UBE2D4: variants seen among roughly 807,000 people sequenced by gnomAD.
The protein encoded by UBE2D4 is ubiquitin conjugating enzyme E2 D4, also known as ubiquitin-conjugating enzyme E2 D4.
In UBE2D4, 17 loss-of-function variants were observed where a neutral mutation model predicts 23.0. The ratio of observed to expected loss-of-function variants is 0.74; its 90% CI spans 0.51 to 1.11. UBE2D4 has a LOEUF of 1.11. UBE2D4 is among the 50% of genes least tolerant of loss of function. The probability of loss-of-function intolerance (pLI) is 0.00; values close to 1 mark genes in which losing one functional copy is unlikely to be tolerated. For missense variants in UBE2D4, 139 were observed against 181.8 expected (o/e 0.76, Z 1.35); for synonymous variants, 61 against 69.4 (o/e 0.88, Z 0.60).
chr7:43,940,650 C>T (rs2095969839), intron 2 of UBE2D4, among the ~76,000 whole-genome samples: 1 of 152,212 alleles, frequency 6.6e-6, no homozygotes, highest in African/African-American at 2.4e-5. Context: ...TCCTGTATAT[C>T]CTTTCTCGTC....
intron 4 of UBE2D4, 185 bp downstream of exon 4, chr7:43,943,216 T>C: frequency 3.1e-6 from 2 of 636,038 alleles, no homozygotes; most frequent in Non-Finnish European, 5.5e-6. Flanking sequence ...GCACCTGTTG[T>C]GATCAAGGGT....
At chr7:43,947,474 T>C (rs528564095) in intron 4 of UBE2D4, among the ~76,000 whole-genome samples, 1 of 152,344 alleles carries the variant, frequency 6.6e-6, no homozygotes, top group East Asian at 1.9e-4. Context: ...CTGAGAATGA[T>C]GGTTTCCAGT....
rs1360392682 is a variant in UBE2D4 at position 43,953,515 on chromosome 7, G to A, written c.*820G>A. 1.7e-5 allele frequency: 4 copies of A among 232,674 alleles called. No individual in the cohort carries two copies. The East Asian group carries it at 4.4e-4, about 25-fold the overall frequency. 14.4% of individuals were successfully genotyped at this position (232,674 alleles called of 1,614,324 possible). Reference sequence around the variant, plus strand: ...CCATTCACAGACTAGAACACAAGGAGGGAGAGAGACTCTTAAACGTAAATA... The same window carrying A: ...CCATTCACAGACTAGAACACAAGGAAGGAGAGAGACTCTTAAACGTAAATA... On this transcript the variant is annotated 3_prime_UTR_variant, in exon 7 of 7. Transcript: ENST00000222402.
chr7:43,937,785 G>T (rs530675281), intron 1 of UBE2D4, among the ~76,000 whole-genome samples: 6 of 151,760 alleles, frequency 4.0e-5, no homozygotes, highest in Non-Finnish European at 7.4e-5. Flanking sequence ...CTTAGTTCAG[G>T]GTTGGTGTCC....
chr7:43,929,845 A>G (rs541608419), intron 1 of UBE2D4, among the ~76,000 whole-genome samples: 40 of 152,290 alleles, frequency 2.6e-4, no homozygotes, highest in Non-Finnish European at 5.6e-4. Flanking sequence ...AGGAAATACA[A>G]CTTTAAAAGT....
chr7:43,928,027 C>T (rs765287043), intron 1 of UBE2D4: 1 of 452,730 alleles, frequency 2.2e-6, no homozygotes, highest in South Asian at 1.6e-5. Context: ...GTACAAGAAG[C>T]ATGGTGCCAG....
chr7:43,929,650 C>T (rs1259213462), intron 1 of UBE2D4, among the ~76,000 whole-genome samples: 1 of 152,032 alleles, frequency 6.6e-6, no homozygotes, highest in Non-Finnish European at 1.5e-5. Flanking sequence ...GGGCTGGCTT[C>T]ATGTGTGTGT....
chr7:43,937,938 G>A lies in UBE2D4; in HGVS notation c.25-493G>A, dbSNP rs147410745. 1.8e-4 allele frequency among the ~76,000 whole-genome samples: 28 copies of A among 152,244 alleles called. No homozygotes were observed. In the East Asian group the frequency reaches 4.2e-3, roughly 23 times the overall value. The stretch of plus-strand genomic sequence containing the variant: ...GACTAGGGTGATTGGGATGGTGGTT[G>A]GGGAGGTAAAGTAGAGAGATTAGCA... On this transcript the variant is annotated intron_variant, in intron 1 of 6. Coordinates refer to ENST00000222402, the MANE Select transcript of UBE2D4 (RefSeq NM_015983.4).
At chr7:43,928,350 C>T (rs1048532484) in intron 1 of UBE2D4, among the ~76,000 whole-genome samples, 4 of 151,956 alleles carry the variant, frequency 2.6e-5, no homozygotes, top group Non-Finnish European at 4.4e-5. Context: ...GTACAATGAG[C>T]CTTTTCCTTA....
chr7:43,936,373 T>C (rs2095958744), intron 1 of UBE2D4, among the ~76,000 whole-genome samples: 1 of 152,202 alleles, frequency 6.6e-6, no homozygotes. Context: ...TCTTCTCTAC[T>C]ACTATTCAAT....
chr7:43,930,058 G>A (rs17724605), intron 1 of UBE2D4, among the ~76,000 whole-genome samples: 59,171 of 152,040 alleles, frequency 0.39, 11,826 homozygotes, highest in South Asian at 0.58. Context: ...CAGCCTGCTG[G>A]ACATCTGGGA....
In UBE2D4 at chr7:43,938,446, C is replaced by T. The variant is rs776896348; in HGVS notation, c.40C>T (p.Gln14Ter). The T allele has an allele frequency of 6.2e-7, 1 of 1,614,102 alleles. No individual in the cohort carries two copies. Among genetic ancestry groups the T allele is most frequent in the Admixed American group, 1.7e-5 (1 of 60,008 alleles). ...CATGTTCTAGGAATTAACCGACTTG[C>T]AGAGGGATCCTCCTGCCCAGTGTTC... The part of the protein sequence containing the change: ...KRIQKELTDL[Q>*]RDPPAQCSAG... Residue 14 changes from glutamine to a stop codon, truncating the protein, a stop_gained, in exon 2 of 7, where the codon CAG (glutamine) becomes TAG (stop). Coordinates refer to ENST00000222402, the MANE Select transcript of UBE2D4 (RefSeq NM_015983.4). LOFTEE classifies it high-confidence loss of function.
intron 1 of UBE2D4, among the ~76,000 whole-genome samples, chr7:43,933,628 C>G (rs2095952026): frequency 6.6e-6 from 1 of 152,068 alleles, no homozygotes; most frequent in South Asian, 2.1e-4. Flanking sequence ...TAATCAGTCC[C>G]AGCTACTCTG....
At chr7:43,941,411 A>T (rs961905754) in intron 2 of UBE2D4, 2 of 152,262 alleles carry the variant, frequency 1.3e-5, no homozygotes, top group Admixed American at 1.3e-4. Flanking sequence ...AGTGAAAGTC[A>T]CCTGAGATGC....
At chr7:43,949,491 C>G (rs1409947650) in intron 5 of UBE2D4, among the ~76,000 whole-genome samples, 7 of 152,160 alleles carry the variant, frequency 4.6e-5, no homozygotes, top group Non-Finnish European at 1.5e-5. Flanking sequence ...CCTCCCAAAG[C>G]ACTGGGATTA....
At chr7:43,948,209 T>C (rs1454447607) in intron 4 of UBE2D4, among the ~76,000 whole-genome samples, 2 of 152,248 alleles carry the variant, frequency 1.3e-5, no homozygotes, top group Non-Finnish European at 2.9e-5. Context: ...AGATCCCATT[T>C]GTCTATTTTG....
At chr7:43,929,841 T>TAA in intron 1 of UBE2D4, among the ~76,000 whole-genome samples, 1 of 152,320 alleles carries the variant, frequency 6.6e-6, no homozygotes, top group South Asian at 2.1e-4. Flanking sequence ...TTGTAGGAAA[T>TAA]ACAACTTTAA....
intron 1 of UBE2D4, among the ~76,000 whole-genome samples, chr7:43,933,013 TACACAC>T (rs1246837914): frequency 3.4e-4 from 40 of 116,500 alleles, no homozygotes; most frequent in African/African-American, 6.8e-4. Context: ...TATATATATA[TACACAC>T]ACATATATAT....
Position 43,955,076 on chromosome 7 carries a change from T to C in UBE2D4, c.*2381T>C, listed in dbSNP as rs1452051849. 6.6e-6 allele frequency: 1 copy of C among 152,178 alleles called. No individual in the cohort carries two copies. The highest frequency in any genetic ancestry group is 2.4e-5 in the African/African-American group (1 of 41,440). 9.4% of individuals were successfully genotyped at this position (152,178 alleles called of 1,614,324 possible). The stretch of plus-strand genomic sequence containing the variant: ...AAGGTGGCTTTGTACCTTCCAGATC[T>C]CTCAGCAAATCCCCTGGGCAGAAAT... On this transcript the variant is annotated 3_prime_UTR_variant, in exon 7 of 7. Coordinates refer to ENST00000222402, the MANE Select transcript of UBE2D4 (RefSeq NM_015983.4).
Sources: gnomAD v4.1 joint callset for allele counts (sites outside exome capture counted in the v4.1 genomes callset) on GRCh38, gnomAD v4.1.1 for gene constraint, MANE v1.5 for transcripts, NCBI Gene and HGNC (gene_info 2026-07-23, HGNC 2026-07-21) for gene names.